MYO3B: variants seen among roughly 807,000 people sequenced by gnomAD.
MYO3B encodes the protein myosin IIIB.
MYO3B carries 156 observed loss-of-function variants against 174.6 expected under a neutral mutation model. The ratio of observed to expected loss-of-function variants is 0.89; its 90% confidence interval spans 0.78 to 1.02. MYO3B has a LOEUF of 1.02. Among genes scored for constraint, MYO3B ranks in the 50% least tolerant of loss-of-function variants. MYO3B has a pLI of 0.00. For synonymous variants in MYO3B, 563 were observed against 569.1 expected (o/e 0.99, Z 0.15); for missense variants, 1,632 against 1,639.4 (o/e 1.00, Z 0.08).
At chr2:170,627,338 A>G (rs1016004164) in intron 32 of MYO3B, among the ~76,000 whole-genome samples, 1 of 152,156 alleles carries the variant, frequency 6.6e-6, no homozygotes, top group African/African-American at 2.4e-5. Flanking sequence ...TCCAGTTGAT[A>G]GAATCGGCTA....
At chr2:170,354,544 A>G (rs1314072316) in intron 8 of MYO3B, among the ~76,000 whole-genome samples, 1 of 152,206 alleles carries the variant, frequency 6.6e-6, no homozygotes, top group Non-Finnish European at 1.5e-5. Context: ...ACAGAAAGAT[A>G]ACCATTCAGA....
chr2:170,286,759 C>A (rs900872506), intron 7 of MYO3B, among the ~76,000 whole-genome samples: 1 of 151,938 alleles, frequency 6.6e-6, no homozygotes, highest in African/African-American at 2.4e-5. Flanking sequence ...CGTATTTTTT[C>A]ATTTTATTTT....
At chr2:170,312,717 C>A (rs1229899934) in intron 7 of MYO3B, among the ~76,000 whole-genome samples, 1 of 152,238 alleles carries the variant, frequency 6.6e-6, no homozygotes, top group Non-Finnish European at 1.5e-5. Flanking sequence ...GCTCTGCAGA[C>A]CACTGTTCTA....
intron 8 of MYO3B, among the ~76,000 whole-genome samples, chr2:170,356,190 T>C (rs185828341): frequency 7.9e-5 from 12 of 152,120 alleles, no homozygotes; most frequent in African/African-American, 2.9e-4. Context: ...CTCAATCTCC[T>C]GACCTCGTGA....
chr2:170,407,604 A>G, intron 21 of MYO3B, 111 bp from the exon 22 acceptor site: 1 of 1,229,184 alleles, frequency 8.1e-7, no homozygotes, highest in Non-Finnish European at 1.2e-6. Context: ...AAAGCTATGT[A>G]AAGATGAGTT....
intron 32 of MYO3B, chr2:170,601,873 C>T (rs1694531375): frequency 2.3e-6 from 2 of 857,130 alleles, no homozygotes; most frequent in Non-Finnish European, 3.8e-6. Context: ...AATAGGCAGG[C>T]CAGGATGCTC....
intron 30 of MYO3B, among the ~76,000 whole-genome samples, chr2:170,537,954 C>T (rs1038396438): frequency 2.0e-5 from 3 of 152,128 alleles, no homozygotes; most frequent in Admixed American, 1.3e-4. Flanking sequence ...CAAGCGTGAA[C>T]GAATAAATGG....
chr2:170,429,100 A>C (rs1426920931), intron 22 of MYO3B, among the ~76,000 whole-genome samples: 2 of 152,188 alleles, frequency 1.3e-5, no homozygotes, highest in Non-Finnish European at 2.9e-5. Flanking sequence ...TGTTGCGGGA[A>C]ATTATATGAC....
At chr2:170,531,055 G>A (rs1438681216) in intron 30 of MYO3B, among the ~76,000 whole-genome samples, 3 of 152,092 alleles carry the variant, frequency 2.0e-5, no homozygotes, top group Admixed American at 6.6e-5. Context: ...TTCCCTGGGC[G>A]ACACAACCAA....
chr2:170,603,678 C>G (rs886212950), intron 32 of MYO3B, among the ~76,000 whole-genome samples: 4 of 152,092 alleles, frequency 2.6e-5, no homozygotes, highest in African/African-American at 9.7e-5. Context: ...TGTTTTTAGG[C>G]AAAGGTTTTG....
In MYO3B at chr2:170,404,248, T is replaced by A; in HGVS notation, c.2279T>A (p.Met760Lys). The A allele has an allele frequency of 3.1e-6, 5 of 1,601,236 alleles. No individual in the cohort carries two copies. Among genetic ancestry groups the A allele is most frequent in the Non-Finnish European group, 4.3e-6 (5 of 1,174,676 alleles). Residue 760 changes from methionine to lysine, a missense_variant and splice_region_variant, in exon 20 of 35, where the codon ATG becomes AAG. Met to Lys is a moderately conservative substitution (Grantham distance 95). Coordinates refer to ENST00000408978, the MANE Select transcript of MYO3B (RefSeq NM_138995.5). Reference protein sequence around the residue: ...FNQHVFALEQMEYQNEGIDAV... With the variant: ...FNQHVFALEQKEYQNEGIDAV... ...GAATCACAATCCATTTCCCTCCAGA[T>A]GGAATATCAGAATGAAGGCATTGAT...
At chr2:170,274,302 C>T (rs2093447419) in intron 7 of MYO3B, among the ~76,000 whole-genome samples, 1 of 152,130 alleles carries the variant, frequency 6.6e-6, no homozygotes, top group Admixed American at 6.6e-5. Flanking sequence ...TTACTTGAGG[C>T]CTGTCTGAAT....
chr2:170,263,478 C>T (rs1156301710), intron 7 of MYO3B, among the ~76,000 whole-genome samples: 1 of 152,046 alleles, frequency 6.6e-6, no homozygotes, highest in African/African-American at 2.4e-5. Flanking sequence ...TTATCTCTAC[C>T]ATCTCGGAGA....
chr2:170,599,513 A>G lies in MYO3B; in HGVS notation c.3734-52115A>G, dbSNP rs552721789. Among the ~76,000 whole-genome samples, 23 of 152,316 alleles carry G rather than the reference A, an allele frequency of 1.5e-4. 1 individual carries two copies. The South Asian group carries it at 4.8e-3, about 32-fold the overall frequency. ...CGTAATCCCAGCAATTTGGGAGGCC[A>G]AGGCAGGCGGATCATTTGAGGTCAG... On this transcript the variant is annotated intron_variant, in intron 32 of 34. Coordinates refer to ENST00000408978, the MANE Select transcript of MYO3B (RefSeq NM_138995.5).
chr2:170,421,562 G>A (rs1271994562), intron 22 of MYO3B, among the ~76,000 whole-genome samples: 1 of 152,200 alleles, frequency 6.6e-6, no homozygotes, highest in Non-Finnish European at 1.5e-5. Context: ...GCATGTGAGG[G>A]TGAGTCCCAC....
intron 32 of MYO3B, among the ~76,000 whole-genome samples, chr2:170,618,679 C>T (rs1695624347): frequency 6.6e-6 from 1 of 152,020 alleles, no homozygotes; most frequent in Non-Finnish European, 1.5e-5. Flanking sequence ...ATGGTGCCAA[C>T]AATGCTCTGG....
intron 14 of MYO3B, among the ~76,000 whole-genome samples, chr2:170,388,874 A>G (rs569470292): frequency 1.1e-4 from 17 of 152,364 alleles, no homozygotes; most frequent in Admixed American, 4.6e-4. Flanking sequence ...TGGCATGAAC[A>G]TTAAACAAAT....
At chr2:170,427,878 A>G (rs1348019334) in intron 22 of MYO3B, among the ~76,000 whole-genome samples, 1 of 152,248 alleles carries the variant, frequency 6.6e-6, no homozygotes, top group African/African-American at 2.4e-5. Flanking sequence ...AAAAGCTCGT[A>G]TAAGTGATTA....
chr2:170,581,727 T>C (rs975379757), intron 32 of MYO3B, among the ~76,000 whole-genome samples: 1 of 152,216 alleles, frequency 6.6e-6, no homozygotes, highest in Non-Finnish European at 1.5e-5. Flanking sequence ...CCCTATTAGA[T>C]CTTGCTCAAC....
Sources: gnomAD v4.1 joint callset for allele counts (sites outside exome capture counted in the v4.1 genomes callset) on GRCh38, gnomAD v4.1.1 for gene constraint, MANE v1.5 for transcripts, NCBI Gene and HGNC (gene_info 2026-07-23, HGNC 2026-07-21) for gene names.